The following SV2C variants were observed in gnomAD, a reference collection of about 807,000 sequenced individuals.
SV2C encodes the protein solute carrier family 22 member B3.
A neutral mutation model predicts 79.7 loss-of-function variants in SV2C; 49 were observed. The ratio of observed to expected loss-of-function variants is 0.61; its 90% CI spans 0.49 to 0.78. SV2C has a LOEUF of 0.78. Among genes scored for constraint, SV2C ranks in the 30% least tolerant of loss-of-function variants. The pLI is 0.00. For synonymous variants in SV2C, 334 were observed against 333.2 expected (o/e 1.00, Z -0.03); for missense variants, 833 against 912.9 (o/e 0.91, Z 1.13).
At chr5:76,188,926 G>A (rs1045669560) in intron 2 of SV2C, among the ~76,000 whole-genome samples, 16 of 151,934 alleles carry the variant, frequency 1.1e-4, no homozygotes, top group African/African-American at 3.6e-4. Context: ...GGACAACAGG[G>A]CAGCAGCTGT....
At chr5:76,272,234 G>A (rs563373466) in intron 4 of SV2C, among the ~76,000 whole-genome samples, 1 of 152,224 alleles carries the variant, frequency 6.6e-6, no homozygotes, top group South Asian at 2.1e-4. Context: ...AAATATTATA[G>A]CCCGCTCTGT....
the SV2C span, among the ~76,000 whole-genome samples, chr5:75,919,899 T>C: frequency 6.6e-6 from 1 of 152,202 alleles, no homozygotes; most frequent in Non-Finnish European, 1.5e-5. Flanking sequence ...ATTCCCAAAG[T>C]GTAAGAGTTT....
At chr5:76,336,699 C>T (rs1183359014), downstream of SV2C, among the ~76,000 whole-genome samples, 1 of 152,104 alleles carries the variant, frequency 6.6e-6, no homozygotes, top group Non-Finnish European at 1.5e-5. Flanking sequence ...GAGACCAGCC[C>T]GGCCAACACA....
At chr5:75,911,915 A>G in the SV2C span, 4 of 481,314 alleles carry the variant, frequency 8.3e-6, no homozygotes, top group South Asian at 6.4e-5. Context: ...CTCCCCAAAG[A>G]AGCTCTTCAA....
chr5:76,173,613 C>G, intron 2 of SV2C: 22 of 1,604,698 alleles, frequency 1.4e-5, no homozygotes, highest in Non-Finnish European at 1.8e-5. Flanking sequence ...CTCAGAGCTA[C>G]AATGCATTTA....
At chr5:75,899,257 T>C in the SV2C span, among the ~76,000 whole-genome samples, 1 of 152,236 alleles carries the variant, frequency 6.6e-6, no homozygotes, top group Admixed American at 6.5e-5. Context: ...CCGGAGATTC[T>C]GGTATGTTGT....
At chr5:76,069,684 C>T in the SV2C span, among the ~76,000 whole-genome samples, 1 of 152,178 alleles carries the variant, frequency 6.6e-6, no homozygotes, top group South Asian at 2.1e-4. Flanking sequence ...TCTGAGAGTT[C>T]AGCCATCTCC....
the SV2C span, among the ~76,000 whole-genome samples, chr5:76,056,708 A>T: frequency 1.7e-5 from 2 of 119,488 alleles, no homozygotes; most frequent in Admixed American, 1.0e-4. Flanking sequence ...CTATTCAGGG[A>T]TTTGATTTCT....
the SV2C span, among the ~76,000 whole-genome samples, chr5:75,992,741 G>A: frequency 1.4e-5 from 2 of 138,628 alleles, no homozygotes; most frequent in Non-Finnish European, 3.1e-5. Context: ...AAAGATGAAA[G>A]TGCAGAAAAT....
the SV2C span, among the ~76,000 whole-genome samples, chr5:75,852,244 T>G: frequency 2.6e-4 from 40 of 152,038 alleles, no homozygotes; most frequent in African/African-American, 9.7e-4. Flanking sequence ...AGCAAACCAC[T>G]ATGGCACGTG....
chr5:76,145,848 T>C (rs1749403284), intron 2 of SV2C, among the ~76,000 whole-genome samples: 1 of 152,184 alleles, frequency 6.6e-6, no homozygotes. Flanking sequence ...GGAACACAGT[T>C]TCACCTTCAC....
At chr5:75,905,816 C>T in the SV2C span, among the ~76,000 whole-genome samples, 1 of 151,534 alleles carries the variant, frequency 6.6e-6, no homozygotes, top group Non-Finnish European at 1.5e-5. Context: ...TATTGTTCTG[C>T]CATCTGCACA....
rs1015744549 is a variant in SV2C at position 76,332,112 on chromosome 5, G to A, written c.*6565G>A. On this transcript the variant is annotated 3_prime_UTR_variant, in exon 13 of 13. Transcript: ENST00000502798. Reference sequence around the variant, plus strand: ...GGTGCTGAAGGCTAGGTGCCTTCCAGTCAGGTCTGAATGCTGAAATTGCTG... The same window carrying A: ...GGTGCTGAAGGCTAGGTGCCTTCCAATCAGGTCTGAATGCTGAAATTGCTG... 10 of 152,236 alleles carry A rather than the reference G, an allele frequency of 6.6e-5. No homozygotes were observed. The highest frequency in any genetic ancestry group is 2.2e-4 in the African/African-American group (9 of 41,444). The allele number at this position is 152,236 out of a possible 1,614,324, so 9.4% of individuals were successfully genotyped here. A position where few individuals can be genotyped will look rare whatever the true frequency, so the allele number is the denominator to read the frequency against.
chr5:76,266,148 A>G (rs914787752), intron 4 of SV2C, among the ~76,000 whole-genome samples: 2 of 150,124 alleles, frequency 1.3e-5, no homozygotes, highest in Non-Finnish European at 3.0e-5. Flanking sequence ...CAGTGGCCCA[A>G]ATATGGCCAT....
chr5:76,087,395 C>T (rs1747233811), intron 1 of SV2C, among the ~76,000 whole-genome samples: 1 of 152,184 alleles, frequency 6.6e-6, no homozygotes, highest in South Asian at 2.1e-4. Flanking sequence ...TTCTGACAAC[C>T]TTGGACCCTC....
At chr5:76,140,693 CT>C (rs148125264) in intron 2 of SV2C, among the ~76,000 whole-genome samples, 4,582 of 152,206 alleles carry the variant, frequency 0.03, 228 homozygotes, top group African/African-American at 0.1. Flanking sequence ...CCTCTTTTAG[CT>C]TTATTCCAAA....
At chr5:75,962,727 G>A in the SV2C span, among the ~76,000 whole-genome samples, 1 of 152,062 alleles carries the variant, frequency 6.6e-6, no homozygotes, top group African/African-American at 2.4e-5. Context: ...CCCTGGACAT[G>A]GGATGTATTG....
chr5:76,209,453 G>A (rs565168560), intron 3 of SV2C, among the ~76,000 whole-genome samples: 7 of 152,180 alleles, frequency 4.6e-5, no homozygotes, highest in East Asian at 1.9e-4. Context: ...AAAAGCCAAC[G>A]GAATCTCATG....
chr5:75,945,257 A>G, the SV2C span, among the ~76,000 whole-genome samples: 3 of 152,088 alleles, frequency 2.0e-5, no homozygotes, highest in Non-Finnish European at 2.9e-5. Flanking sequence ...ATCAATTTGA[A>G]ATAATTAATA....
Sources: allele counts gnomAD v4.1 joint callset (sites outside exome capture counted in the v4.1 genomes callset), GRCh38; gene constraint gnomAD v4.1.1; transcripts MANE v1.5; gene names NCBI Gene and HGNC (gene_info 2026-07-23, HGNC 2026-07-21).